Variants in FLT3 observed in about 807,000 individuals in gnomAD.
FLT3 encodes fms related receptor tyrosine kinase 3.
Under a neutral mutation model 126.6 loss-of-function variants are expected in FLT3, and 46 were observed. The ratio of observed to expected loss-of-function variants is 0.36; its 90% CI spans 0.29 to 0.46. The LOEUF (loss-of-function observed/expected upper bound fraction) is 0.46. FLT3 is among the 20% of genes least tolerant of loss of function. FLT3 has a pLI of 1.00. For missense variants in FLT3, 1,069 were observed against 1,190.3 expected (o/e 0.90, Z 1.50); for synonymous variants, 404 against 434.4 (o/e 0.93, Z 0.87).
In FLT3 at chr13:28,026,056, C is replaced by T. The variant is rs577903393; in HGVS notation, c.2207+1032G>A. On this transcript the variant is annotated intron_variant, in intron 17 of 23. Coordinates refer to ENST00000241453, the MANE Select transcript of FLT3 (RefSeq NM_004119.3). ...TTCCATACAGGGAGGGAAATAAGAA[C>T]GCGCCAAGGCTCAGCCAGGTGCGGT... 5.3e-5 allele frequency among the ~76,000 whole-genome samples: 8 copies of T among 152,216 alleles called. No individual in the cohort carries two copies. The South Asian group carries it at 8.3e-4, about 16-fold the overall frequency.
At chr13:28,010,934 T>C (rs1297479816) in intron 23 of FLT3, among the ~76,000 whole-genome samples, 10 of 141,128 alleles carry the variant, frequency 7.1e-5, no homozygotes, top group South Asian at 2.3e-4. Flanking sequence ...ACCCAGGAGG[T>C]GAAGGTTGCA....
At chr13:28,092,424 T>A (rs1207731351) in intron 1 of FLT3, among the ~76,000 whole-genome samples, 1 of 152,076 alleles carries the variant, frequency 6.6e-6, no homozygotes, top group Non-Finnish European at 1.5e-5. Flanking sequence ...TGGAGTGCAG[T>A]GGCAGGATCA....
intron 15 of FLT3, among the ~76,000 whole-genome samples, chr13:28,028,526 G>A (rs569465012): frequency 1.3e-4 from 19 of 151,998 alleles, no homozygotes; most frequent in East Asian, 3.9e-4. Context: ...GTGAAACCTC[G>A]TCTCTACTAA....
intron 23 of FLT3, among the ~76,000 whole-genome samples, 172 bp downstream of exon 23, chr13:28,014,280 A>G (rs1871638417): frequency 6.6e-6 from 1 of 152,164 alleles, no homozygotes; most frequent in South Asian, 2.1e-4. Context: ...CAATAAATAA[A>G]TAAATAAACA....
In FLT3 at chr13:28,035,943, C is replaced by T. The variant is rs746645846; in HGVS notation, c.1410G>A (p.Lys470=). 4 of 1,612,590 alleles carry T rather than the reference C, an allele frequency of 2.5e-6. No individual in the cohort carries two copies. The Admixed American group carries it at 5.0e-5, about 20-fold the overall frequency. The change falls in exon 11 of 24, where the codon AAG becomes AAA. Residue 470 remains lysine, a synonymous_variant. Coordinates refer to ENST00000241453, the MANE Select transcript of FLT3 (RefSeq NM_004119.3). ...PSWTWKKCSD[K]SPNCTEEITE... ...ATCAATGTCCTTATTACTTGGGAGA[C>T]TTGTCTGAACACTTCTTCCAGGTCC...
At chr13:28,005,052 G>A (rs192310151) in intron 23 of FLT3, among the ~76,000 whole-genome samples, 2 of 152,214 alleles carry the variant, frequency 1.3e-5, no homozygotes, top group East Asian at 1.9e-4. Context: ...GTAGAAGGCC[G>A]GGCGCAGTGG....
chr13:28,004,007 TA>T lies in FLT3; in HGVS notation c.*44del. 1 of 1,610,342 alleles carries T rather than the reference TA, an allele frequency of 6.2e-7. No homozygotes were observed. The highest frequency in any genetic ancestry group is 8.5e-7 in the Non-Finnish European group (1 of 1,176,722). Reference sequence around the variant, plus strand: ...CTTGTTTTGGTAATCTACAGCCTGTTAGGGATAGGTGGAGGGATGAAGTCCT... The same window carrying T: ...CTTGTTTTGGTAATCTACAGCCTGTTGGGATAGGTGGAGGGATGAAGTCCT... On this transcript the variant is annotated 3_prime_UTR_variant, in exon 24 of 24. Transcript: ENST00000241453.
At chr13:28,015,516 G>A (rs555803118) in intron 21 of FLT3, 74 bp downstream of exon 21, 2 of 797,766 alleles carry the variant, frequency 2.5e-6, no homozygotes, top group South Asian at 1.4e-5. Context: ...GTTGGGGGGA[G>A]GGGTGGGGCG....
Position 28,025,819 on chromosome 13 carries a change from G to A in FLT3, c.2208-876C>T, listed in dbSNP as rs568885222. Among the ~76,000 whole-genome samples, 7 of 152,210 alleles carry A rather than the reference G, an allele frequency of 4.6e-5. No individual in the cohort carries two copies. The South Asian group carries it at 1.5e-3, about 32-fold the overall frequency. ...GTGTGACGGGCATGCATAGGTTAAG[G>A]GCAGCTGCACACGGACGTGCATGGG... is the stretch of plus-strand genomic sequence containing the variant. On this transcript the variant is annotated intron_variant, in intron 17 of 23. Transcript: ENST00000241453.
chr13:28,031,195 TC>T (rs796093704), intron 15 of FLT3, among the ~76,000 whole-genome samples: 49 of 151,876 alleles, frequency 3.2e-4, no homozygotes, highest in African/African-American at 1.1e-3. Context: ...GCCACTGCAC[TC>T]CAGCCTGGGC....
chr13:28,057,457 A>C lies in FLT3; in HGVS notation c.374T>G (p.Val125Gly), dbSNP rs1473547761. ...QPHFDLQNRGVVSMVILKMTE... is the reference protein window; with the variant it reads ...QPHFDLQNRGGVSMVILKMTE... ...CATTTTCAAAATGACCATGGAAACA[A>C]CTCCTCTGCAAAACAGGAAAGAGAA... Residue 125 changes from valine to glycine, a missense_variant, in exon 4 of 24, where the codon GTT becomes GGT. Val to Gly is a moderately radical substitution (Grantham distance 109). Transcript: ENST00000241453. 14 of 1,406,764 alleles carry C rather than the reference A, an allele frequency of 1.0e-5. No individual in the cohort carries two copies. The highest frequency in any genetic ancestry group is 1.4e-5 in the Non-Finnish European group (14 of 990,948). The allele number at this position is 1,406,764 out of a possible 1,614,324, so 87.1% of individuals were successfully genotyped here.
chr13:28,040,223 T>TA lies in FLT3; in HGVS notation c.1206-2936_1206-2935insT, dbSNP rs565484197. ...TGAAGGTAGAGGGGTAATAAGCAGT[T>TA]GGAGTGTGGGAAGTTTCTGTGATAG... is the stretch of plus-strand genomic sequence containing the variant. On this transcript the variant is annotated intron_variant, in intron 9 of 23. Transcript: ENST00000241453. 2.4e-4 allele frequency among the ~76,000 whole-genome samples: 36 copies of TA among 152,250 alleles called. No individual in the cohort carries two copies. The South Asian group carries it at 7.3e-3, about 31-fold the overall frequency.
intron 5 of FLT3, 97 bp downstream of exon 5, chr13:28,052,448 G>A (rs1214482271): frequency 1.6e-6 from 2 of 1,258,748 alleles, no homozygotes; most frequent in Admixed American, 4.4e-5. Flanking sequence ...GTTTAAATGA[G>A]CATAAATTAA....
chr13:28,010,096 C>T (rs1463205723), intron 23 of FLT3, among the ~76,000 whole-genome samples: 1 of 152,166 alleles, frequency 6.6e-6, no homozygotes, highest in Non-Finnish European at 1.5e-5. Context: ...TTCCAAACTT[C>T]CTTTTATGCT....
Position 28,004,243 on chromosome 13 carries a change from T to G in FLT3, c.2860-69A>C, listed in dbSNP as rs1268588772. On this transcript the variant is annotated intron_variant, in intron 23 of 23. Transcript: ENST00000241453. ...AGATGCACATGTTATGCGCCCATATTACAAATTATTTAAATAAAAACAGTT... is the reference window on the plus strand; with the variant it reads ...AGATGCACATGTTATGCGCCCATATGACAAATTATTTAAATAAAAACAGTT... The G allele has an allele frequency of 2.7e-6, 4 of 1,469,302 alleles. No homozygotes were observed. In the African/African-American group the frequency reaches 5.6e-5, roughly 21 times the overall value. 91.0% of individuals were successfully genotyped at this position (1,469,302 alleles called of 1,614,324 possible).
At chr13:28,091,219 T>TTTTC (rs1879021101) in intron 1 of FLT3, among the ~76,000 whole-genome samples, 1 of 107,578 alleles carries the variant, frequency 9.3e-6, no homozygotes, top group African/African-American at 4.3e-5. Flanking sequence ...TTTTTTTTTT[T>TTTTC]TTTTTTTTTT....
chr13:28,095,341 T>C (rs1879385089), intron 1 of FLT3, among the ~76,000 whole-genome samples: 1 of 152,138 alleles, frequency 6.6e-6, no homozygotes, highest in Non-Finnish European at 1.5e-5. Flanking sequence ...AGTGGCATGA[T>C]CTCGGCTCAC....
At chr13:28,032,960 C>A (rs553579107) in intron 15 of FLT3, among the ~76,000 whole-genome samples, 30 of 152,180 alleles carry the variant, frequency 2.0e-4, no homozygotes, top group African/African-American at 7.2e-4. Flanking sequence ...GTGAGGCCAG[C>A]AATGGGGCTG....
chr13:28,091,252 C>A (rs60649910), intron 1 of FLT3, among the ~76,000 whole-genome samples: 10 of 100,114 alleles, frequency 1.0e-4, no homozygotes, highest in African/African-American at 3.8e-4. Context: ...GACGGAGTCT[C>A]GCTCTGTCGC....
Sources: gnomAD v4.1 joint callset for allele counts (sites outside exome capture counted in the v4.1 genomes callset) on GRCh38, gnomAD v4.1.1 for gene constraint, MANE v1.5 for transcripts, NCBI Gene and HGNC (gene_info 2026-07-23, HGNC 2026-07-21) for gene names.